The following ATP10B variants were observed in gnomAD, a reference collection of about 807,000 sequenced individuals.
ATP10B encodes ATPase phospholipid transporting 10B (putative), also known as phospholipid-transporting ATPase VB.
A neutral mutation model predicts 141.2 loss-of-function variants in ATP10B; 122 were observed. The observed-to-expected ratio is 0.86, with a 90% CI of 0.75 to 1.00. The LOEUF (loss-of-function observed/expected upper bound fraction) is 1.00. Ranked by LOEUF, ATP10B falls within the 50% of genes least tolerant of loss-of-function variation. The probability of loss-of-function intolerance (pLI) is 0.00; values close to 1 mark genes in which losing one functional copy is unlikely to be tolerated. For synonymous variants in ATP10B, 685 were observed against 692.0 expected, an observed-to-expected ratio of 0.99 and a Z score of 0.16; for missense variants, 1,876 against 1,825.3, an observed-to-expected ratio of 1.03 and a Z score of -0.51.
the ATP10B span, among the ~76,000 whole-genome samples, chr5:160,870,219 G>A: frequency 1.2e-4 from 18 of 152,204 alleles, no homozygotes; most frequent in South Asian, 3.7e-3. Context: ...CAGTCAAAAG[G>A]CATAGGCTCG....
chr5:160,746,510 G>GC (rs1242682840), intron 2 of ATP10B, among the ~76,000 whole-genome samples: 1 of 151,716 alleles, frequency 6.6e-6, no homozygotes. Context: ...TCATACCTCA[G>GC]CCTCCCGGGT....
At chr5:160,634,205 G>A in intron 12 of ATP10B, 149 bp downstream of exon 12, 3 of 1,072,048 alleles carry the variant, frequency 2.8e-6, no homozygotes, top group Non-Finnish European at 4.3e-6. Context: ...TCTGTGACAA[G>A]GAAGACCACA....
chr5:160,813,473 C>T (rs1773325894), intron 1 of ATP10B, among the ~76,000 whole-genome samples: 1 of 152,182 alleles, frequency 6.6e-6, no homozygotes, highest in African/African-American at 2.4e-5. Flanking sequence ...AGTAGGTAAA[C>T]AAAGCAGCTG....
chr5:160,716,607 C>T (rs1312227278), intron 3 of ATP10B, among the ~76,000 whole-genome samples: 3 of 152,170 alleles, frequency 2.0e-5, no homozygotes, highest in Non-Finnish European at 4.4e-5. Flanking sequence ...ACATATGAGT[C>T]TCCATTATCT....
intron 21 of ATP10B, among the ~76,000 whole-genome samples, chr5:160,599,664 C>CTAA (rs2127622796): frequency 6.6e-6 from 1 of 152,260 alleles, no homozygotes; most frequent in Admixed American, 6.5e-5. Context: ...CTGTACTTTC[C>CTAA]TAATGGTCAT....
intron 22 of ATP10B, 36 bp downstream of exon 22, chr5:160,598,734 T>C: frequency 6.2e-7 from 1 of 1,605,182 alleles, no homozygotes; most frequent in East Asian, 2.2e-5. Flanking sequence ...AGTAAGAAGC[T>C]GAAGTCACCT....
chr5:160,803,142 A>G (rs866743919), intron 1 of ATP10B, among the ~76,000 whole-genome samples: 1 of 152,124 alleles, frequency 6.6e-6, no homozygotes, highest in Non-Finnish European at 1.5e-5. Flanking sequence ...GACTAGCTAT[A>G]TAACTTTAGA....
chr5:160,769,310 G>A (rs1190614133), intron 2 of ATP10B, among the ~76,000 whole-genome samples: 2 of 152,172 alleles, frequency 1.3e-5, no homozygotes, highest in African/African-American at 4.8e-5. Context: ...AGATTGACAG[G>A]AGAGTGAAGT....
chr5:160,866,195 G>A, the ATP10B span, among the ~76,000 whole-genome samples: 52 of 152,098 alleles, frequency 3.4e-4, no homozygotes, highest in Non-Finnish European at 7.2e-4. Context: ...TGAAGAAAAT[G>A]TGGTATATAT....
the ATP10B span, among the ~76,000 whole-genome samples, chr5:160,926,160 A>T: frequency 3.4e-3 from 525 of 152,340 alleles, 1 homozygote; most frequent in African/African-American, 0.011. Context: ...TAGGCACTGG[A>T]TAATCTACAT....
chr5:160,791,751 C>T (rs569126771), intron 1 of ATP10B, among the ~76,000 whole-genome samples: 3 of 152,218 alleles, frequency 2.0e-5, no homozygotes, highest in African/African-American at 4.8e-5. Flanking sequence ...AACTTGGTCA[C>T]GGGATCACAT....
At chr5:160,815,749 C>G (rs987473290) in intron 1 of ATP10B, among the ~76,000 whole-genome samples, 2 of 152,126 alleles carry the variant, frequency 1.3e-5, no homozygotes, top group Non-Finnish European at 2.9e-5. Flanking sequence ...CAAAATTGAC[C>G]ACATAGTTGG....
intron 11 of ATP10B, 84 bp downstream of exon 11, chr5:160,636,098 G>A: frequency 7.0e-7 from 1 of 1,432,342 alleles, no homozygotes; most frequent in Non-Finnish European, 9.4e-7. Context: ...CTAGTGGCCA[G>A]CACTGTTTTT....
chr5:160,675,113 G>A (rs1456727531), intron 6 of ATP10B, among the ~76,000 whole-genome samples: 2 of 152,166 alleles, frequency 1.3e-5, no homozygotes, highest in Non-Finnish European at 2.9e-5. Flanking sequence ...AAGCCCAGGG[G>A]AGACCAGCAG....
chr5:160,841,485 T>C (rs996131661), intron 1 of ATP10B, among the ~76,000 whole-genome samples: 2 of 152,192 alleles, frequency 1.3e-5, no homozygotes, highest in African/African-American at 4.8e-5. Flanking sequence ...AGTGTCACTT[T>C]TCTGAGCATA....
Position 160,620,966 on chromosome 5 carries a change from G to A in ATP10B, c.1813-16C>T, listed in dbSNP as rs1419012377. 1 of 1,597,044 alleles carries A rather than the reference G, an allele frequency of 6.3e-7. No homozygotes were observed. Among genetic ancestry groups the A allele is most frequent in the Non-Finnish European group, 8.5e-7 (1 of 1,171,398 alleles). ...TGATGGTGACCTTGTGGCCAAAGAA[G>A]GAAAGTGGAATATTACTCTCAATGT... On this transcript the variant is annotated splice_polypyrimidine_tract_variant and intron_variant, in intron 14 of 25. Coordinates refer to ENST00000327245, the MANE Select transcript of ATP10B (RefSeq NM_025153.3).
At chr5:160,876,978 C>T in the ATP10B span, among the ~76,000 whole-genome samples, 1 of 148,516 alleles carries the variant, frequency 6.7e-6, no homozygotes, top group African/African-American at 2.4e-5. Flanking sequence ...TGGTACCATT[C>T]CTTCTGAAAC....
chr5:160,705,067 C>T (rs1231803934), intron 3 of ATP10B, among the ~76,000 whole-genome samples: 1 of 151,244 alleles, frequency 6.6e-6, no homozygotes, highest in African/African-American at 2.4e-5. Flanking sequence ...TACAGGCGCC[C>T]ACCACCACAC....
At chr5:160,676,781 G>A (rs866285324) in intron 6 of ATP10B, among the ~76,000 whole-genome samples, 4 of 152,140 alleles carry the variant, frequency 2.6e-5, no homozygotes, top group Admixed American at 1.3e-4. Flanking sequence ...TACCTATAAT[G>A]AACCCAGCAT....
Sources: allele counts gnomAD v4.1 joint callset (sites outside exome capture counted in the v4.1 genomes callset), GRCh38; gene constraint gnomAD v4.1.1; transcripts MANE v1.5; gene names NCBI Gene and HGNC (gene_info 2026-07-23, HGNC 2026-07-21).